The following CAMK2D variants were observed in gnomAD, a reference collection of about 807,000 sequenced individuals.
The protein encoded by CAMK2D is calcium/calmodulin-dependent protein kinase type II subunit delta.
A neutral mutation model predicts 84.0 loss-of-function variants in CAMK2D; 37 were observed. That is an observed-to-expected ratio of 0.44 (90% CI 0.34 to 0.58). The LOEUF (loss-of-function observed/expected upper bound fraction) is 0.58, where lower values mean the gene tolerates loss of function less well. Ranked by LOEUF, CAMK2D falls within the 20% of genes least tolerant of loss-of-function variation. The probability of loss-of-function intolerance (pLI) is 0.02; values close to 1 mark genes in which losing one functional copy is unlikely to be tolerated. For missense variants in CAMK2D, 448 were observed against 652.5 expected (o/e 0.69, Z 3.41); for synonymous variants, 202 against 212.5 (o/e 0.95, Z 0.43).
Position 113,451,554 on chromosome 4 carries a change from A to G in CAMK2D, c.*2991T>C, listed in dbSNP as rs1382006592. 1 of 152,192 alleles carries G rather than the reference A, an allele frequency of 6.6e-6. No homozygotes were observed. The highest frequency in any genetic ancestry group is 2.4e-5 in the African/African-American group (1 of 41,460). 9.4% of individuals were successfully genotyped at this position (152,192 alleles called of 1,614,324 possible). A position where few individuals can be genotyped will look rare whatever the true frequency, so the allele number is the denominator to read the frequency against. On this transcript the variant is annotated 3_prime_UTR_variant, in exon 21 of 21. Transcript: ENST00000511664. ...GGTAACTTGCTCAGAGCATCAAGAC[A>G]GTGGTGAGAGAACCCATCATTAAAA...
chr4:113,574,684 T>G (rs2098771785), intron 4 of CAMK2D, among the ~76,000 whole-genome samples: 1 of 152,192 alleles, frequency 6.6e-6, no homozygotes, highest in South Asian at 2.1e-4. Flanking sequence ...AAGCCTCAGC[T>G]CTTAGTTAGA....
intron 4 of CAMK2D, among the ~76,000 whole-genome samples, chr4:113,574,127 C>A (rs2098768507): frequency 6.6e-6 from 1 of 152,208 alleles, no homozygotes; most frequent in African/African-American, 2.4e-5. Context: ...CGTACTGTGG[C>A]ATCCAGTGGT....
chr4:113,719,494 G>A (rs1324939523), intron 2 of CAMK2D, among the ~76,000 whole-genome samples: 3 of 152,118 alleles, frequency 2.0e-5, no homozygotes, highest in African/African-American at 4.8e-5. Flanking sequence ...TACTCAATTC[G>A]TGAATTGCTA....
chr4:113,620,987 G>A (rs2099043669), intron 3 of CAMK2D, among the ~76,000 whole-genome samples: 1 of 152,104 alleles, frequency 6.6e-6, no homozygotes, highest in Non-Finnish European at 1.5e-5. Flanking sequence ...CTGGAGTGCA[G>A]TGGTGTGGTC....
At chr4:113,601,831 A>G (rs960662942) in intron 4 of CAMK2D, among the ~76,000 whole-genome samples, 1 of 151,614 alleles carries the variant, frequency 6.6e-6, no homozygotes, top group African/African-American at 2.4e-5. Flanking sequence ...AGCAGCTAGG[A>G]CTACATGCAA....
chr4:113,648,914 C>T (rs529377518), intron 3 of CAMK2D, among the ~76,000 whole-genome samples: 54 of 152,190 alleles, frequency 3.5e-4, no homozygotes, highest in African/African-American at 1.2e-3. Flanking sequence ...GGAAATGTTC[C>T]AATCCTTAAA....
At position 113,454,310 on chromosome 4, in the gene CAMK2D, G is replaced by C. The variant is rs2097279348; in HGVS notation, c.*235C>G. 1 of 376,574 alleles carries C rather than the reference G, an allele frequency of 2.7e-6. No individual in the cohort carries two copies. The allele number at this position is 376,574 out of a possible 1,614,324, so 23.3% of individuals were successfully genotyped here. ...GTTTTGCCAACAGTAATTTAAGTTTGTGTGGAACATCCCCGTAGTTGAAGT... is the reference window on the plus strand; with the variant it reads ...GTTTTGCCAACAGTAATTTAAGTTTCTGTGGAACATCCCCGTAGTTGAAGT... On this transcript the variant is annotated 3_prime_UTR_variant, in exon 21 of 21. Coordinates refer to ENST00000511664, the MANE Select transcript of CAMK2D (RefSeq NM_001321571.2).
intron 3 of CAMK2D, among the ~76,000 whole-genome samples, chr4:113,659,460 G>A (rs1428463153): frequency 6.6e-6 from 1 of 152,202 alleles, no homozygotes; most frequent in African/African-American, 2.4e-5. Context: ...AGTGTCTAAA[G>A]GGGTAATTAG....
At chr4:113,575,899 T>C (rs2154233911) in intron 4 of CAMK2D, among the ~76,000 whole-genome samples, 1 of 152,294 alleles carries the variant, frequency 6.6e-6, no homozygotes, top group South Asian at 2.1e-4. Context: ...TTTTTTTTGC[T>C]TACTGACTTC....
rs1342397133 is a variant in CAMK2D at position 113,554,081 on chromosome 4, TTGC to T, written c.276-1988_276-1986del. ...TTAAAGTCTACTGACATTAATAAAA[TTGC>T]TGCTATTTATAGGCTCCTTAAACAT... On this transcript the variant is annotated intron_variant, in intron 4 of 20. Coordinates refer to ENST00000511664, the MANE Select transcript of CAMK2D (RefSeq NM_001321571.2). Among the ~76,000 whole-genome samples the T allele has an allele frequency of 2.6e-5, 4 of 152,156 alleles. No homozygotes were observed. The East Asian group carries it at 7.7e-4, about 29-fold the overall frequency.
At chr4:113,678,901 C>T (rs760755057) in intron 2 of CAMK2D, among the ~76,000 whole-genome samples, 6 of 152,112 alleles carry the variant, frequency 3.9e-5, no homozygotes, top group Non-Finnish European at 5.9e-5. Flanking sequence ...GTGATCAGCA[C>T]ACAGATCAAG....
At chr4:113,494,701 A>T (rs1322968083) in intron 16 of CAMK2D, among the ~76,000 whole-genome samples, 1 of 152,114 alleles carries the variant, frequency 6.6e-6, no homozygotes, top group Non-Finnish European at 1.5e-5. Context: ...TTGTTTACCT[A>T]AGGAAGCCTG....
chr4:113,649,282 T>C (rs949556601), intron 3 of CAMK2D, among the ~76,000 whole-genome samples: 3 of 152,216 alleles, frequency 2.0e-5, no homozygotes, highest in African/African-American at 7.2e-5. Flanking sequence ...AAAAAACTGA[T>C]ATAATCATGA....
At chr4:113,481,669 A>G (rs187878192) in intron 16 of CAMK2D, among the ~76,000 whole-genome samples, 2 of 152,140 alleles carry the variant, frequency 1.3e-5, no homozygotes, top group African/African-American at 4.8e-5. Context: ...TTTAGTAGAG[A>G]TGGGGTTTTG....
intron 2 of CAMK2D, among the ~76,000 whole-genome samples, chr4:113,750,134 G>C (rs1238920995): frequency 6.6e-6 from 1 of 152,184 alleles, no homozygotes; most frequent in African/African-American, 2.4e-5. Context: ...GGAGAAATCT[G>C]GCAAGCTCCA....
chr4:113,523,772 GAAAT>G (rs201909658), intron 8 of CAMK2D, among the ~76,000 whole-genome samples: 116 of 151,114 alleles, frequency 7.7e-4, no homozygotes, highest in East Asian at 2.0e-3. Context: ...ACCCTGTCTC[GAAAT>G]AAATAAATAA....
At chr4:113,656,558 T>G (rs1561638102) in intron 3 of CAMK2D, among the ~76,000 whole-genome samples, 2 of 152,134 alleles carry the variant, frequency 1.3e-5, no homozygotes, top group Non-Finnish European at 2.9e-5. Flanking sequence ...ACTATTGGTT[T>G]CCCATTGCAT....
At chr4:113,618,848 G>A (rs1253704830) in intron 3 of CAMK2D, among the ~76,000 whole-genome samples, 1 of 152,058 alleles carries the variant, frequency 6.6e-6, no homozygotes, top group Non-Finnish European at 1.5e-5. Context: ...ATAGCTGCAG[G>A]CACCAGTCTG....
At chr4:113,587,338 G>A (rs1335533426) in intron 4 of CAMK2D, among the ~76,000 whole-genome samples, 1 of 152,182 alleles carries the variant, frequency 6.6e-6, no homozygotes, top group East Asian at 1.9e-4. Context: ...TGACTTTCAA[G>A]TAATTTCACA....
Sources: gnomAD v4.1 joint callset for allele counts (sites outside exome capture counted in the v4.1 genomes callset) on GRCh38, gnomAD v4.1.1 for gene constraint, MANE v1.5 for transcripts, NCBI Gene and HGNC (gene_info 2026-07-23, HGNC 2026-07-21) for gene names.